Variants in CFAP54 observed in about 807,000 individuals in gnomAD.
The protein encoded by CFAP54 is cilia- and flagella-associated protein 54.
CFAP54 carries 290 observed loss-of-function variants against 370.4 expected under a neutral mutation model. That is an observed-to-expected ratio of 0.78 (90% confidence interval 0.71 to 0.86). The LOEUF is 0.86. Among genes scored for constraint, CFAP54 ranks in the 40% least tolerant of loss-of-function variants. CFAP54 has a pLI of 0.00. For missense variants in CFAP54, 3,399 were observed against 3,528.7 expected, an observed-to-expected ratio of 0.96 and a Z score of 0.93; for synonymous variants, 1,206 against 1,236.5, an observed-to-expected ratio of 0.98 and a Z score of 0.52.
At chr12:96,660,445 T>G (rs746507129) in intron 38 of CFAP54, among the ~76,000 whole-genome samples, 1 of 152,210 alleles carries the variant, frequency 6.6e-6, no homozygotes, top group Non-Finnish European at 1.5e-5. Context: ...ACCATCTCTA[T>G]CATGATGAAT....
chr12:96,792,358 T>A lies in CFAP54; in HGVS notation c.8709T>A (p.Ile2903=). The change falls in exon 63 of 68, where the codon ATT becomes ATA. Residue 2903 remains isoleucine, a synonymous_variant. Coordinates refer to ENST00000524981, the MANE Select transcript of CFAP54 (RefSeq NM_001306084.2). The stretch of plus-strand genomic sequence containing the variant: ...ATCGCGATAGTTCTGTACAATCCAT[T>A]TTATCTTTTAAGCCTGTTTCAGGCT... ...KLYRDSSVQS[I]LSFKPVSGSS... 3 of 1,535,134 alleles carry A rather than the reference T, an allele frequency of 2.0e-6. No homozygotes were observed.
chr12:96,679,708 G>A lies in CFAP54; in HGVS notation c.5672G>A (p.Arg1891Gln), dbSNP rs367592020. 5 of 1,613,182 alleles carry A rather than the reference G, an allele frequency of 3.1e-6. No homozygotes were observed. Among genetic ancestry groups the A allele is most frequent in the Non-Finnish European group, 4.2e-6 (5 of 1,179,572 alleles). ...TCCAAATACCATAACAGATCAATCC[G>A]ACACAGCAGAAAGTTGCTTTCATTA... ...EKSKYHNRSI[R>Q]HSRKLLSLFL... is the part of the protein sequence containing the mutation. The change falls in exon 40 of 68, where the codon CGA becomes CAA. Residue 1891 changes from arginine (R) to glutamine (Q), a missense_variant. Arg to Gln is a conservative substitution (Grantham distance 43). Around this residue, in one of 3 missense-constraint regions of CFAP54, gnomAD observed 2,796 missense variants for 2,869.7 expected, o/e 0.97. Transcript: ENST00000524981.
At chr12:96,667,793 C>A (rs182983906) in intron 39 of CFAP54, among the ~76,000 whole-genome samples, 106 of 152,296 alleles carry the variant, frequency 7.0e-4, no homozygotes, top group African/African-American at 2.4e-3. Flanking sequence ...GCTTGAATTT[C>A]TCCTCAGAAA....
At chr12:96,652,056 C>T (rs951364678) in intron 36 of CFAP54, among the ~76,000 whole-genome samples, 2 of 152,088 alleles carry the variant, frequency 1.3e-5, no homozygotes, top group African/African-American at 4.8e-5. Context: ...GAACTCCAGC[C>T]CCTACATAAA....
intron 65 of CFAP54, among the ~76,000 whole-genome samples, chr12:96,826,524 A>G (rs1355846945): frequency 1.4e-5 from 1 of 73,226 alleles, no homozygotes; most frequent in African/African-American, 4.9e-5. Flanking sequence ...AATATATAAT[A>G]TATTATATAT....
chr12:96,821,015 A>C (rs1272414304), intron 65 of CFAP54, among the ~76,000 whole-genome samples: 1 of 152,174 alleles, frequency 6.6e-6, no homozygotes, highest in Non-Finnish European at 1.5e-5. Context: ...GAGAATGAGC[A>C]TCTGTTAGAG....
chr12:96,680,205 T>C (rs558851827), intron 40 of CFAP54, among the ~76,000 whole-genome samples: 6 of 152,350 alleles, frequency 3.9e-5, no homozygotes, highest in African/African-American at 1.4e-4. Context: ...ATTAATACTA[T>C]AGATTTTGCT....
chr12:96,649,956 A>G lies in CFAP54; in HGVS notation c.4756A>G (p.Thr1586Ala). 6.2e-7 allele frequency: 1 copy of G among 1,612,660 alleles called. No individual in the cohort carries two copies. Among genetic ancestry groups the G allele is most frequent in the Non-Finnish European group, 8.5e-7 (1 of 1,179,048 alleles). ...TGATGAAAATATGTCCAAGACACAA[A>G]CAGTTTATGACTCAGACTCTCAATC... ...MSDENMSKTQ[T>A]VYDSDSQSGS... is the part of the protein sequence containing the mutation. Residue 1586 changes from threonine to alanine, a missense_variant, in exon 35 of 68, where the codon ACA becomes GCA. Thr to Ala is a moderately conservative substitution (Grantham distance 58, BLOSUM62 0). Transcript: ENST00000524981.
chr12:96,867,749 G>A (rs1021707992), intron 67 of CFAP54, among the ~76,000 whole-genome samples: 3 of 152,166 alleles, frequency 2.0e-5, no homozygotes, highest in African/African-American at 4.8e-5. Context: ...AGGGACTAGA[G>A]GAGGGGCTGT....
At chr12:96,557,625 G>A (rs778218061) in intron 17 of CFAP54, among the ~76,000 whole-genome samples, 34 of 152,170 alleles carry the variant, frequency 2.2e-4, no homozygotes, top group Non-Finnish European at 4.3e-4. Flanking sequence ...CAACGTGGAT[G>A]AATTCTAGAA....
chr12:96,844,080 T>C (rs915463637), intron 66 of CFAP54, among the ~76,000 whole-genome samples: 1 of 152,244 alleles, frequency 6.6e-6, no homozygotes, highest in Non-Finnish European at 1.5e-5. Context: ...TATTATATTT[T>C]TATTGACTAA....
At chr12:96,549,542 G>T (rs959621528) in intron 15 of CFAP54, among the ~76,000 whole-genome samples, 2 of 152,206 alleles carry the variant, frequency 1.3e-5, no homozygotes, top group African/African-American at 4.8e-5. Context: ...GCTGTACTGG[G>T]CATATGGTAG....
chr12:96,545,910 G>T (rs568922651), intron 14 of CFAP54, among the ~76,000 whole-genome samples: 19 of 152,298 alleles, frequency 1.2e-4, no homozygotes, highest in African/African-American at 4.6e-4. Flanking sequence ...GCATGGAAGC[G>T]CCATGCCCCT....
At chr12:96,615,099 T>C (rs1956400905) in intron 26 of CFAP54, among the ~76,000 whole-genome samples, 1 of 152,230 alleles carries the variant, frequency 6.6e-6, no homozygotes, top group South Asian at 2.1e-4. Flanking sequence ...TCACTCTACC[T>C]GACTTCAAAC....
chr12:96,558,612 CA>C (rs1242490980), intron 17 of CFAP54, among the ~76,000 whole-genome samples: 1 of 151,992 alleles, frequency 6.6e-6, no homozygotes, highest in African/African-American at 2.4e-5. Context: ...CTCATTTTGA[CA>C]AACATACACT....
chr12:96,609,650 C>T (rs2136453306), intron 26 of CFAP54, among the ~76,000 whole-genome samples: 1 of 152,186 alleles, frequency 6.6e-6, no homozygotes, highest in South Asian at 2.1e-4. Context: ...TGTAATTGTA[C>T]TGGTCTCAAA....
intron 23 of CFAP54, 89 bp downstream of exon 23, chr12:96,589,652 G>T: frequency 1.2e-6 from 1 of 808,308 alleles, no homozygotes; most frequent in Non-Finnish European, 1.9e-6. Context: ...TTAATATCAT[G>T]TTCAGATAGT....
At chr12:96,598,512 A>G in intron 25 of CFAP54, 133 bp from the exon 26 acceptor site, 1 of 432,372 alleles carries the variant, frequency 2.3e-6, no homozygotes, top group Non-Finnish European at 4.1e-6. Context: ...TATTCCTAAT[A>G]AACAATTTAT....
intron 1 of CFAP54, among the ~76,000 whole-genome samples, chr12:96,498,270 C>T (rs1343660958): frequency 6.6e-6 from 1 of 152,214 alleles, no homozygotes; most frequent in Non-Finnish European, 1.5e-5. Context: ...TGGATATCCA[C>T]ATGCCAAAAA....
Sources: allele counts gnomAD v4.1 joint callset (sites outside exome capture counted in the v4.1 genomes callset), GRCh38; gene constraint gnomAD v4.1.1; regional missense constraint gnomAD v4.1.1; transcripts MANE v1.5; gene names NCBI Gene and HGNC (gene_info 2026-07-23, HGNC 2026-07-21).